The following PDE1B variants were observed in gnomAD, a reference collection of about 807,000 sequenced individuals.
PDE1B encodes phosphodiesterase 1B, also known as dual specificity calcium/calmodulin-dependent 3',5'-cyclic nucleotide phosphodiesterase 1B.
A neutral mutation model predicts 66.7 loss-of-function variants in PDE1B; 13 were observed. The observed-to-expected ratio is 0.19, with a 90% CI of 0.13 to 0.31. The LOEUF (loss-of-function observed/expected upper bound fraction) is 0.31, where lower values mean the gene tolerates loss of function less well. PDE1B is among the 10% of genes least tolerant of loss of function. The pLI is 1.00. For missense variants in PDE1B, 485 were observed against 682.3 expected (o/e 0.71, Z 3.22); for synonymous variants, 230 against 253.9 (o/e 0.91, Z 0.90).
At chr12:54,572,489 G>GC in intron 6 of PDE1B, 112 bp from the exon 7 acceptor site, 1 of 1,015,218 alleles carries the variant, frequency 9.9e-7, no homozygotes, top group South Asian at 1.5e-5. Flanking sequence ...TAGGTTCTGT[G>GC]CTCTCTCCCT....
chr12:54,549,807 T>C, intron 1 of PDE1B, 35 bp downstream of exon 1: 2 of 1,311,722 alleles, frequency 1.5e-6, no homozygotes, highest in East Asian at 2.3e-5. Flanking sequence ...TGAGGGTCTC[T>C]CGGCTGGGGC....
At chr12:54,561,533 G>A in intron 2 of PDE1B, 1 of 1,465,656 alleles carries the variant, frequency 6.8e-7, no homozygotes, top group Non-Finnish European at 9.1e-7. Context: ...GGGGGCCCTG[G>A]GGCTCCTGGG....
chr12:54,575,840 A>G lies in PDE1B; in HGVS notation c.1268-152A>G. The G allele has an allele frequency of 1.3e-6, 1 of 745,924 alleles. No individual in the cohort carries two copies. The highest frequency in any genetic ancestry group is 2.4e-6 in the Non-Finnish European group (1 of 423,792). The allele number at this position is 745,924 out of a possible 1,614,324, so 46.2% of individuals were successfully genotyped here. ...CTGGGGCACCAAGACATCATCCCAA[A>G]GCCTGCCCTGCATTGGGAAGTTTTC... On this transcript the variant is annotated intron_variant, in intron 12 of 15. Transcript: ENST00000243052. The surrounding 1 kb of genome is among the most constrained non-coding windows in gnomAD (Gnocchi z 4.0).
intron 3 of PDE1B, among the ~76,000 whole-genome samples, chr12:54,568,511 C>T (rs1565699768): frequency 1.4e-5 from 2 of 139,932 alleles, no homozygotes; most frequent in South Asian, 2.4e-4. Context: ...CACACACACA[C>T]GGTTTCATGT....
chr12:54,566,153 A>G (rs1144995), intron 2 of PDE1B, among the ~76,000 whole-genome samples: 10,188 of 152,280 alleles, frequency 0.067, 1,128 homozygotes, highest in African/African-American at 0.23. Flanking sequence ...CCCAGAATTC[A>G]TAAGTGTAAA....
intron 10 of PDE1B, 102 bp from the exon 11 acceptor site, chr12:54,574,996 A>C: frequency 1.2e-6 from 1 of 839,336 alleles, no homozygotes; most frequent in Non-Finnish European, 1.8e-6. Flanking sequence ...AAAAAAAAGG[A>C]AGAAGTTATG....
rs562016880 is a variant in PDE1B at position 54,577,522 on chromosome 12, C to T, written c.*17+177C>T. On this transcript the variant is annotated intron_variant, in intron 15 of 15. Coordinates refer to ENST00000243052, the MANE Select transcript of PDE1B (RefSeq NM_000924.4). Reference sequence around the variant, plus strand: ...TGGGTGGAGCAGGGAAATCCTCCCACGCTCTTCTGTCCCCCAGTCCCTGCA... The same window carrying T: ...TGGGTGGAGCAGGGAAATCCTCCCATGCTCTTCTGTCCCCCAGTCCCTGCA... 47 of 1,571,738 alleles carry T rather than the reference C, an allele frequency of 3.0e-5. 1 individual carries two copies. The highest frequency in any genetic ancestry group is 3.4e-4 in the Middle Eastern group (2 of 5,916).
At chr12:54,577,172 TG>T in intron 14 of PDE1B, 52 bp from the exon 15 acceptor site, 1 of 1,452,728 alleles carries the variant, frequency 6.9e-7, no homozygotes, top group Non-Finnish European at 9.6e-7. Flanking sequence ...CCTTGGGTTC[TG>T]GGGAAGAATA....
chr12:54,550,283 C>G (rs1957257588), intron 2 of PDE1B: 44 of 1,212,934 alleles, frequency 3.6e-5, no homozygotes, highest in Non-Finnish European at 4.5e-5. Flanking sequence ...TGCAGTGTGG[C>G]AGGGCTGCAG....
At position 54,569,802 on chromosome 12, in the gene PDE1B, C is replaced by T. The variant is rs1385903432; in HGVS notation, c.477+190C>T. Among the ~76,000 whole-genome samples the T allele has an allele frequency of 2.6e-5, 4 of 151,808 alleles. No individual in the cohort carries two copies. Among genetic ancestry groups the T allele is most frequent in the Non-Finnish European group, 5.9e-5 (4 of 67,956 alleles). The stretch of plus-strand genomic sequence containing the variant: ...ACTGCAACCTCTGCCTCCCTGCAAG[C>T]GATTCTCCTGCCTCAGCCTCCTGAG... On this transcript the variant is annotated intron_variant, in intron 5 of 15. Transcript: ENST00000243052. The surrounding 1 kb of genome is among the most constrained non-coding windows in gnomAD (Gnocchi z 4.4).
At position 54,569,574 on chromosome 12, in the gene PDE1B, G is replaced by A. The variant is rs753160870; in HGVS notation, c.439G>A (p.Gly147Ser). 3.1e-6 allele frequency: 5 copies of A among 1,613,884 alleles called. No individual in the cohort carries two copies. The highest frequency in any genetic ancestry group is 3.4e-6 in the Non-Finnish European group (4 of 1,179,788). The change falls in exon 5 of 16, where the codon GGC becomes AGC. Residue 147 changes from glycine to serine, a missense_variant. Coordinates refer to ENST00000243052, the MANE Select transcript of PDE1B (RefSeq NM_000924.4). The surrounding 1 kb of genome is among the most constrained non-coding windows in gnomAD (Gnocchi z 4.4). Reference protein sequence around the residue: ...RMFRRTYTSVGPTYSTAVLNC... With the variant: ...RMFRRTYTSVSPTYSTAVLNC... ...GTTCCGGAGAACATACACCTCTGTG[G>A]GCCCCACTTACTCTACTGCGGTTCT... is the stretch of plus-strand genomic sequence containing the variant.
intron 2 of PDE1B, among the ~76,000 whole-genome samples, chr12:54,558,357 C>T (rs552906751): frequency 2.0e-5 from 3 of 152,082 alleles, no homozygotes; most frequent in South Asian, 2.1e-4. Flanking sequence ...CACCCCCACC[C>T]GTAGCTCCTC....
At chr12:54,552,779 G>C (rs561147660) in intron 2 of PDE1B, among the ~76,000 whole-genome samples, 9 of 152,312 alleles carry the variant, frequency 5.9e-5, no homozygotes, top group African/African-American at 1.7e-4. Context: ...GGGTGAAAGA[G>C]GCCATCTGGA....
chr12:54,576,529 C>T (rs1278446066), intron 13 of PDE1B, 42 bp from the exon 14 acceptor site: 1 of 1,612,884 alleles, frequency 6.2e-7, no homozygotes, highest in African/African-American at 1.3e-5. Context: ...CTGGAGTGGG[C>T]TGGGGCTTAC....
At chr12:54,556,666 TG>T (rs1470775137) in intron 2 of PDE1B, among the ~76,000 whole-genome samples, 1 of 152,090 alleles carries the variant, frequency 6.6e-6, no homozygotes, top group Non-Finnish European at 1.5e-5. Flanking sequence ...GGGTAAGGCC[TG>T]GGGGCATAGG....
rs1453463067 is a variant in PDE1B at position 54,578,908 on chromosome 12, G to A, written c.*1066G>A. On this transcript the variant is annotated 3_prime_UTR_variant, in exon 16 of 16. Coordinates refer to ENST00000243052, the MANE Select transcript of PDE1B (RefSeq NM_000924.4). ...GTCGGTGAAAGGCAGATGGACAAGG[G>A]GCTCAGGGCTGCTGCCTTCCTGTCC... The A allele has an allele frequency of 6.6e-6, 1 of 152,402 alleles. No individual in the cohort carries two copies. Among genetic ancestry groups the A allele is most frequent in the East Asian group, 1.9e-4 (1 of 5,184 alleles). 9.4% of individuals were successfully genotyped at this position (152,402 alleles called of 1,614,324 possible). A position where few individuals can be genotyped will look rare whatever the true frequency, so the allele number is the denominator to read the frequency against.
In PDE1B at chr12:54,576,029, GCTGA is replaced by G. The variant is rs1335641124; in HGVS notation, c.1311_1314del (p.Asp438TrpfsTer108). ...TCATTGTGGAGCCCACATTCTCTGT[GCTGA>G]CTGACGTGGCAGAGAAGAGTGTTCA... On this transcript the variant is annotated frameshift_variant, in exon 13 of 16. Coordinates refer to ENST00000243052, the MANE Select transcript of PDE1B (RefSeq NM_000924.4). LOFTEE classifies it high-confidence loss of function. The G allele has an allele frequency of 6.2e-7, 1 of 1,613,942 alleles. No homozygotes were observed. Among genetic ancestry groups the G allele is most frequent in the African/African-American group, 1.3e-5 (1 of 74,948 alleles).
Position 54,564,330 on chromosome 12 carries a change from T to TA in PDE1B, c.114-2628dup, listed in dbSNP as rs35068189. Among the ~76,000 whole-genome samples, 960 of 139,336 alleles carry TA rather than the reference T, an allele frequency of 6.9e-3. 12 individuals carry two copies. The highest frequency in any genetic ancestry group is 0.014 in the African/African-American group (521 of 38,446). The allele number at this position is 139,336 out of a possible 152,430, so 91.4% of individuals were successfully genotyped here. On this transcript the variant is annotated intron_variant, in intron 2 of 15. Coordinates refer to ENST00000243052, the MANE Select transcript of PDE1B (RefSeq NM_000924.4). Reference sequence around the variant, plus strand: ...CTATGATCTGGGTGACCTTGTCTCTTAAAAAAAAAAAAAAAAGCAGGCCGG... The same window carrying TA: ...CTATGATCTGGGTGACCTTGTCTCTTAAAAAAAAAAAAAAAAAGCAGGCCGG...
chr12:54,561,410 C>T, intron 2 of PDE1B: 1 of 1,266,154 alleles, frequency 7.9e-7, no homozygotes, highest in Non-Finnish European at 1.0e-6. Context: ...TGCCTCCCCA[C>T]TCTCTTCTTC....
Sources: allele counts gnomAD v4.1 joint callset (sites outside exome capture counted in the v4.1 genomes callset), GRCh38; gene constraint gnomAD v4.1.1; non-coding constraint Gnocchi (gnomAD v3.1); transcripts MANE v1.5; gene names NCBI Gene and HGNC (gene_info 2026-07-23, HGNC 2026-07-21).